The following DPP10 variants were observed in gnomAD, a reference collection of about 807,000 sequenced individuals.
The protein encoded by DPP10 is dipeptidyl peptidase like 10, also known as inactive dipeptidyl peptidase 10.
In DPP10, 33 loss-of-function variants were observed where a neutral mutation model predicts 120.9. The observed-to-expected ratio is 0.27, with a 90% confidence interval of 0.21 to 0.37. The LOEUF is 0.37. Ranked by LOEUF, DPP10 falls within the 10% of genes least tolerant of loss-of-function variation. The probability of loss-of-function intolerance (pLI) is 1.00; values close to 1 mark genes in which losing one functional copy is unlikely to be tolerated. For missense variants in DPP10, 816 were observed against 942.8 expected, an observed-to-expected ratio of 0.87 and a Z score of 1.76; for synonymous variants, 337 against 326.1, an observed-to-expected ratio of 1.03 and a Z score of -0.36.
chr2:115,828,102 G>T (rs1688561838), intron 21 of DPP10, among the ~76,000 whole-genome samples: 1 of 151,760 alleles, frequency 6.6e-6, no homozygotes. Flanking sequence ...CAGCTCTAAT[G>T]TGTCTTTATT....
At chr2:115,053,340 A>T (rs997242051) in intron 1 of DPP10, among the ~76,000 whole-genome samples, 1 of 152,220 alleles carries the variant, frequency 6.6e-6, no homozygotes, top group Non-Finnish European at 1.5e-5. Context: ...CTGAAAAATT[A>T]TCCTAAATGA....
At chr2:114,775,760 A>C (rs1681671136) in intron 1 of DPP10, among the ~76,000 whole-genome samples, 1 of 152,214 alleles carries the variant, frequency 6.6e-6, no homozygotes, top group African/African-American at 2.4e-5. Context: ...CATTCTTTTG[A>C]ATTATAGTCA....
At chr2:114,864,682 C>T (rs894418755) in intron 1 of DPP10, among the ~76,000 whole-genome samples, 1 of 152,144 alleles carries the variant, frequency 6.6e-6, no homozygotes, top group Non-Finnish European at 1.5e-5. Flanking sequence ...AAACAAATAT[C>T]CGGGGCTTGA....
intron 3 of DPP10, among the ~76,000 whole-genome samples, chr2:115,479,104 C>G (rs1487897919): frequency 6.6e-6 from 1 of 151,970 alleles, no homozygotes; most frequent in Non-Finnish European, 1.5e-5. Flanking sequence ...TTTTATGTAC[C>G]CCTATTCATA....
At chr2:115,780,792 A>T in intron 15 of DPP10, 82 bp from the exon 16 acceptor site, 1 of 1,327,842 alleles carries the variant, frequency 7.5e-7, no homozygotes, top group Non-Finnish European at 1.0e-6. Flanking sequence ...CCTTGTTTAT[A>T]TTATATTTAA....
chr2:114,993,596 A>ATATATATAT (rs1404164528), intron 1 of DPP10, among the ~76,000 whole-genome samples: 1 of 144,618 alleles, frequency 6.9e-6, no homozygotes, highest in East Asian at 2.0e-4. Context: ...ATATATATAT[A>ATATATATAT]TATATATATA....
At chr2:115,162,734 GTC>G (rs1294547133) in intron 1 of DPP10, among the ~76,000 whole-genome samples, 1 of 152,108 alleles carries the variant, frequency 6.6e-6, no homozygotes, top group Non-Finnish European at 1.5e-5. Context: ...GGTTATTCCT[GTC>G]TCTTTCCCGT....
At chr2:114,978,189 A>C (rs924119569) in intron 1 of DPP10, among the ~76,000 whole-genome samples, 2 of 152,224 alleles carry the variant, frequency 1.3e-5, no homozygotes, top group Non-Finnish European at 2.9e-5. Flanking sequence ...GAAATGTTCT[A>C]TATATTTCCT....
At chr2:114,910,778 C>T (rs759008970) in intron 1 of DPP10, among the ~76,000 whole-genome samples, 1 of 152,004 alleles carries the variant, frequency 6.6e-6, no homozygotes, top group African/African-American at 2.4e-5. Flanking sequence ...AGTTCATGCT[C>T]AAAAAAATCC....
intron 5 of DPP10, among the ~76,000 whole-genome samples, chr2:115,611,145 G>A (rs568408768): frequency 1.9e-3 from 294 of 152,120 alleles, no homozygotes; most frequent in African/African-American, 6.9e-3. Context: ...AAATGAAAGA[G>A]AAAAAAAGAA....
intron 1 of DPP10, among the ~76,000 whole-genome samples, chr2:114,632,780 G>A (rs796664090): frequency 2.0e-5 from 3 of 152,196 alleles, no homozygotes; most frequent in African/African-American, 7.2e-5. Context: ...CCAAAGTGCT[G>A]GGATTACAGG....
chr2:115,337,705 A>G (rs2063227993), intron 2 of DPP10, among the ~76,000 whole-genome samples: 1 of 147,026 alleles, frequency 6.8e-6, no homozygotes, highest in African/African-American at 2.5e-5. Context: ...GATAGAAGTT[A>G]GCCTTGGAGG....
chr2:114,458,563 C>T (rs1014329267), intron 1 of DPP10, among the ~76,000 whole-genome samples: 6 of 152,124 alleles, frequency 3.9e-5, no homozygotes, highest in Admixed American at 1.3e-4. Context: ...TAACAATGTG[C>T]GCTTTGGAAT....
chr2:114,704,204 T>G (rs1439104322), intron 1 of DPP10, among the ~76,000 whole-genome samples: 1 of 152,152 alleles, frequency 6.6e-6, no homozygotes, highest in Non-Finnish European at 1.5e-5. Flanking sequence ...GAAGCTGTAA[T>G]TGTGCTGGTG....
intron 5 of DPP10, among the ~76,000 whole-genome samples, chr2:115,632,942 A>G (rs1232309698): frequency 2.0e-5 from 3 of 152,182 alleles, no homozygotes; most frequent in African/African-American, 4.8e-5. Flanking sequence ...CAGGTGCTGG[A>G]GAGGATGTGG....
chr2:114,802,009 C>A (rs764717357), intron 1 of DPP10, among the ~76,000 whole-genome samples: 3 of 152,168 alleles, frequency 2.0e-5, no homozygotes, highest in Non-Finnish European at 2.9e-5. Context: ...CACTCAGTTT[C>A]TCTAATTCTA....
At chr2:115,709,818 T>TG (rs1197209149) in intron 7 of DPP10, among the ~76,000 whole-genome samples, 13 of 151,968 alleles carry the variant, frequency 8.6e-5, no homozygotes, top group African/African-American at 3.1e-4. Context: ...CTCTAACAGA[T>TG]GGTGCTTGGA....
At chr2:114,962,151 G>A (rs1048998253) in intron 1 of DPP10, among the ~76,000 whole-genome samples, 2 of 151,904 alleles carry the variant, frequency 1.3e-5, no homozygotes, top group Non-Finnish European at 2.9e-5. Flanking sequence ...TAAGTATGTG[G>A]TACTCTTGTA....
intron 1 of DPP10, among the ~76,000 whole-genome samples, chr2:115,249,237 CATT>C (rs1381946123): frequency 6.6e-6 from 1 of 152,008 alleles, no homozygotes; most frequent in Non-Finnish European, 1.5e-5. Flanking sequence ...CTTTAGAAAA[CATT>C]AAGCATTATA....
Sources: allele counts gnomAD v4.1 joint callset (sites outside exome capture counted in the v4.1 genomes callset), GRCh38; gene constraint gnomAD v4.1.1; transcripts MANE v1.5; gene names NCBI Gene and HGNC (gene_info 2026-07-23, HGNC 2026-07-21).